The following TCERG1L variants were observed in gnomAD, a reference collection of about 807,000 sequenced individuals.
TCERG1L encodes transcription elongation regulator 1-like protein.
In TCERG1L, 37 loss-of-function variants were observed where a neutral mutation model predicts 56.3. The ratio of observed to expected loss-of-function variants is 0.66; its 90% CI spans 0.51 to 0.87. The LOEUF (loss-of-function observed/expected upper bound fraction) is 0.87, where lower values mean the gene tolerates loss of function less well. TCERG1L is among the 40% of genes least tolerant of loss of function. The pLI is 0.00. For missense variants in TCERG1L, 799 were observed against 774.2 expected (o/e 1.03, Z -0.38); for synonymous variants, 324 against 326.3 (o/e 0.99, Z 0.08).
At chr10:131,288,180 G>A (rs927724050) in intron 3 of TCERG1L, among the ~76,000 whole-genome samples, 11 of 152,128 alleles carry the variant, frequency 7.2e-5, no homozygotes, top group African/African-American at 2.7e-4. Flanking sequence ...GGTAAAATCA[G>A]TCTGTTCTTA....
chr10:131,227,604 G>A (rs769226595), intron 4 of TCERG1L, among the ~76,000 whole-genome samples: 7 of 152,182 alleles, frequency 4.6e-5, no homozygotes, highest in Non-Finnish European at 1.0e-4. Context: ...ACATCGGCCC[G>A]ACCCTGGGTT....
intron 4 of TCERG1L, among the ~76,000 whole-genome samples, chr10:131,251,310 C>G (rs971172427): frequency 1.3e-5 from 2 of 150,364 alleles, no homozygotes; most frequent in African/African-American, 4.9e-5. Flanking sequence ...CCCCTCCCCC[C>G]GGCCCCTCCT....
chr10:131,310,624 C>T (rs1296313227), intron 1 of TCERG1L, among the ~76,000 whole-genome samples: 1 of 152,186 alleles, frequency 6.6e-6, no homozygotes, highest in Non-Finnish European at 1.5e-5. Flanking sequence ...GGTTCAGTCA[C>T]TTTTTCTTTT....
chr10:131,155,467 A>G (rs1845908787), intron 6 of TCERG1L, among the ~76,000 whole-genome samples: 1 of 152,184 alleles, frequency 6.6e-6, no homozygotes, highest in Non-Finnish European at 1.5e-5. Context: ...AGCCTCTGAG[A>G]ACACAGGTTT....
intron 4 of TCERG1L, among the ~76,000 whole-genome samples, chr10:131,196,810 T>G (rs905996134): frequency 6.6e-6 from 1 of 152,264 alleles, no homozygotes; most frequent in African/African-American, 2.4e-5. Flanking sequence ...GCTGTCATCA[T>G]GCGCTAGCTG....
chr10:131,256,316 G>A (rs1846164138), intron 4 of TCERG1L, among the ~76,000 whole-genome samples: 1 of 108,832 alleles, frequency 9.2e-6, no homozygotes. Flanking sequence ...GAGACTTTCT[G>A]ACTTGGCTGG....
At chr10:131,298,879 A>C (rs2133580369) in intron 3 of TCERG1L, among the ~76,000 whole-genome samples, 1 of 152,320 alleles carries the variant, frequency 6.6e-6, no homozygotes, top group Non-Finnish European at 1.5e-5. Context: ...AAGTTCTCTA[A>C]ATTCTCACTG....
At chr10:131,156,765 C>A (rs919948459) in intron 6 of TCERG1L, among the ~76,000 whole-genome samples, 2 of 152,034 alleles carry the variant, frequency 1.3e-5, no homozygotes, top group Non-Finnish European at 2.9e-5. Flanking sequence ...TCACATACCC[C>A]CTGCTTGCTC....
rs1284253814 is a variant in TCERG1L, at chr10:131,191,101, TC to T, written c.857-24217del. On this transcript the variant is annotated intron_variant, in intron 4 of 11. Coordinates refer to ENST00000368642, the MANE Select transcript of TCERG1L (RefSeq NM_174937.4). ...GACCATGCAAGAATAAAATAAAAAC[TC>T]AGTATTTTTCACAACAGCTGCAAAA... Among the ~76,000 whole-genome samples, 4 of 143,320 alleles carry T rather than the reference TC, an allele frequency of 2.8e-5. 1 individual carries two copies. Among genetic ancestry groups the T allele is most frequent in the Non-Finnish European group, 6.1e-5 (4 of 65,066 alleles). 94.0% of individuals were successfully genotyped at this position (143,320 alleles called of 152,430 possible).
chr10:131,141,087 G>C (rs1391455926), intron 7 of TCERG1L, among the ~76,000 whole-genome samples: 2 of 152,146 alleles, frequency 1.3e-5, no homozygotes, highest in African/African-American at 2.4e-5. Flanking sequence ...GACCTGACAC[G>C]GCCACTTTGC....
intron 8 of TCERG1L, among the ~76,000 whole-genome samples, chr10:131,117,653 G>A (rs983332198): frequency 1.3e-5 from 2 of 152,156 alleles, no homozygotes; most frequent in Admixed American, 6.5e-5. Flanking sequence ...GGGACCCCAC[G>A]AGCTGACCAT....
Position 131,112,119 on chromosome 10 carries a change from C to T in TCERG1L, c.1395+4680G>A, listed in dbSNP as rs1845418264. On this transcript the variant is annotated intron_variant, in intron 9 of 11. Transcript: ENST00000368642. ...GACCCCTGAGAGTGGGGGAATGGGCCCGGCCACACGGCACTCCCAGTGGCC... is the reference window on the plus strand; with the variant it reads ...GACCCCTGAGAGTGGGGGAATGGGCTCGGCCACACGGCACTCCCAGTGGCC... 1.4e-5 allele frequency among the ~76,000 whole-genome samples: 2 copies of T among 143,060 alleles called. 1 individual carries two copies. The highest frequency in any genetic ancestry group is 5.1e-4 in the South Asian group (2 of 3,914). The allele number at this position is 143,060 out of a possible 152,430, so 93.9% of individuals were successfully genotyped here.
chr10:131,137,592 G>A (rs573177097), intron 7 of TCERG1L, among the ~76,000 whole-genome samples: 2 of 152,328 alleles, frequency 1.3e-5, no homozygotes, highest in African/African-American at 4.8e-5. Flanking sequence ...ACACCAGAAC[G>A]TACCCAGGGA....
At chr10:131,196,631 C>T (rs1456414984) in intron 4 of TCERG1L, among the ~76,000 whole-genome samples, 3 of 152,158 alleles carry the variant, frequency 2.0e-5, no homozygotes, top group Non-Finnish European at 2.9e-5. Flanking sequence ...GCAGGAGGAG[C>T]CCTGGAGCTC....
At chr10:131,240,895 G>A (rs747870940) in intron 4 of TCERG1L, among the ~76,000 whole-genome samples, 1 of 152,246 alleles carries the variant, frequency 6.6e-6, no homozygotes, top group Non-Finnish European at 1.5e-5. Context: ...CAGGTCCCCT[G>A]CGAGGGGCTG....
At chr10:131,195,891 C>A (rs1026984553) in intron 4 of TCERG1L, among the ~76,000 whole-genome samples, 1 of 152,222 alleles carries the variant, frequency 6.6e-6, no homozygotes, top group Non-Finnish European at 1.5e-5. Context: ...GCAAGCACAG[C>A]CCCTGCACCC....
intron 6 of TCERG1L, among the ~76,000 whole-genome samples, chr10:131,160,045 C>T (rs149168855): frequency 5.3e-4 from 81 of 152,274 alleles, no homozygotes; most frequent in African/African-American, 1.7e-3. Flanking sequence ...AAACGAGAAA[C>T]GCAGTGAAGC....
intron 6 of TCERG1L, among the ~76,000 whole-genome samples, chr10:131,147,411 G>A (rs748199966): frequency 1.4e-4 from 21 of 152,202 alleles, no homozygotes; most frequent in Non-Finnish European, 2.6e-4. Context: ...CGGCATGGAG[G>A]TGCACGGGAG....
At chr10:131,254,634 CA>C (rs893797072) in intron 4 of TCERG1L, among the ~76,000 whole-genome samples, 8 of 152,054 alleles carry the variant, frequency 5.3e-5, no homozygotes, top group African/African-American at 1.9e-4. Flanking sequence ...GGAAGGTGGG[CA>C]AAGAGAGGAG....
Sources: allele counts gnomAD v4.1 joint callset (sites outside exome capture counted in the v4.1 genomes callset), GRCh38; gene constraint gnomAD v4.1.1; transcripts MANE v1.5; gene names NCBI Gene and HGNC (gene_info 2026-07-23, HGNC 2026-07-21).